AP1AR: variants seen among roughly 807,000 people sequenced by gnomAD.
The protein encoded by AP1AR is adaptor related protein complex 1 associated regulatory protein.
A neutral mutation model predicts 46.3 loss-of-function variants in AP1AR; 29 were observed. That is an observed-to-expected ratio of 0.63 (90% confidence interval 0.47 to 0.85). AP1AR has a LOEUF of 0.85. Among genes scored for constraint, AP1AR ranks in the 40% least tolerant of loss-of-function variants. AP1AR has a pLI of 0.00. For missense variants in AP1AR, 357 were observed against 356.3 expected, an observed-to-expected ratio of 1.00 and a Z score of -0.02; for synonymous variants, 122 against 122.9, an observed-to-expected ratio of 0.99 and a Z score of 0.05.
intron 9 of AP1AR, 47 bp from the exon 10 acceptor site, chr4:112,268,097 C>T: frequency 1.4e-6 from 2 of 1,476,676 alleles, no homozygotes; most frequent in Middle Eastern, 1.8e-4. Flanking sequence ...TTAAATATAG[C>T]TTTATTATCT....
At chr4:112,249,097 A>G (rs2110476417) in intron 1 of AP1AR, among the ~76,000 whole-genome samples, 1 of 152,110 alleles carries the variant, frequency 6.6e-6, no homozygotes, top group South Asian at 2.1e-4. Context: ...GTTCGAGACC[A>G]GCCTGACCAA....
chr4:112,264,076 A>AT lies in AP1AR; in HGVS notation c.382-926dup, dbSNP rs1361100062. 3.3e-5 allele frequency among the ~76,000 whole-genome samples: 5 copies of AT among 151,898 alleles called. No individual in the cohort carries two copies. In the East Asian group the frequency reaches 9.7e-4, roughly 29 times the overall value. ...GTCCTTCTCCCCCCAACTTTCCTTCATTTTTTTCCCTCTCTCTCTCTGCTG... is the reference window on the plus strand; with the variant it reads ...GTCCTTCTCCCCCCAACTTTCCTTCATTTTTTTTCCCTCTCTCTCTCTGCTG... On this transcript the variant is annotated intron_variant, in intron 6 of 9. Coordinates refer to ENST00000274000, the MANE Select transcript of AP1AR (RefSeq NM_018569.6).
At chr4:112,264,455 C>G (rs999791462) in intron 6 of AP1AR, among the ~76,000 whole-genome samples, 1 of 152,114 alleles carries the variant, frequency 6.6e-6, no homozygotes, top group African/African-American at 2.4e-5. Flanking sequence ...AGTAATATAG[C>G]TATCTGTAAT....
At position 112,271,927 on chromosome 4, in the gene AP1AR, A is replaced by T. The variant is rs775799838; in HGVS notation, c.*3518A>T. 6.6e-6 allele frequency among the ~76,000 whole-genome samples: 1 copy of T among 152,214 alleles called. No individual in the cohort carries two copies. Among genetic ancestry groups the T allele is most frequent in the Non-Finnish European group, 1.5e-5 (1 of 68,034 alleles). ...GTGTTGACATTTAGAAGTTGGGGGT[A>T]GTGAAACAGTCGTCAAAAGAAACAG... On this transcript the variant is annotated 3_prime_UTR_variant, in exon 10 of 10. Transcript: ENST00000274000.
chr4:112,258,590 G>A (rs866407951), intron 4 of AP1AR, among the ~76,000 whole-genome samples: 8 of 152,202 alleles, frequency 5.3e-5, no homozygotes, highest in African/African-American at 1.9e-4. Context: ...ATAACACCTG[G>A]TGTTGATTGT....
rs148269598 is a variant in AP1AR, at chr4:112,249,661, A to AAT, written c.84-3533_84-3532dup. 2.1e-3 allele frequency among the ~76,000 whole-genome samples: 319 copies of AAT among 151,428 alleles called. 2 individuals carry two copies. The highest frequency in any genetic ancestry group is 6.6e-3 in the African/African-American group (275 of 41,380). ...AAGAGTGAGACTGTCTCAAAAAAGA[A>AAT]ATATATATATATATAATTTTTTATA... On this transcript the variant is annotated intron_variant, in intron 1 of 9. Transcript: ENST00000274000.
chr4:112,245,862 G>A (rs754379259), intron 1 of AP1AR, among the ~76,000 whole-genome samples: 3 of 151,868 alleles, frequency 2.0e-5, no homozygotes, highest in Non-Finnish European at 4.4e-5. Context: ...AAAATAAAAT[G>A]TTCTTATTAT....
rs988993299 is a variant in AP1AR at position 112,268,891 on chromosome 4, T to C, written c.*482T>C. On this transcript the variant is annotated 3_prime_UTR_variant, in exon 10 of 10. Transcript: ENST00000274000. ...CAGCATTATTTATTTCTATGACTTC[T>C]TTGGATTTTATTATCTAATAGTAAG... 1 of 152,194 alleles carries C rather than the reference T, an allele frequency of 6.6e-6. No homozygotes were observed. Among genetic ancestry groups the C allele is most frequent in the African/African-American group, 2.4e-5 (1 of 41,420 alleles). 9.4% of individuals were successfully genotyped at this position (152,194 alleles called of 1,614,324 possible). A position where few individuals can be genotyped will look rare whatever the true frequency, so the allele number is the denominator to read the frequency against.
intron 1 of AP1AR, among the ~76,000 whole-genome samples, chr4:112,251,300 A>T (rs1414092839): frequency 2.0e-5 from 3 of 152,222 alleles, no homozygotes; most frequent in Non-Finnish European, 4.4e-5. Context: ...CTGTGAATAG[A>T]GGGGACAGAA....
At chr4:112,234,151 G>T (rs1160197444) in intron 1 of AP1AR, among the ~76,000 whole-genome samples, 1 of 152,196 alleles carries the variant, frequency 6.6e-6, no homozygotes, top group Non-Finnish European at 1.5e-5. Flanking sequence ...GAGCCACCGC[G>T]CCCGGCCAGC....
At chr4:112,261,463 A>T (rs527578046) in intron 5 of AP1AR, among the ~76,000 whole-genome samples, 89 of 152,214 alleles carry the variant, frequency 5.8e-4, no homozygotes, top group African/African-American at 1.7e-3. Context: ...GCAAATTTTT[A>T]AAAAATTACC....
rs749676856 is a variant in AP1AR at position 112,269,242 on chromosome 4, C to T, written c.*833C>T. ...GAACGATGTTAGATTTTACACAGAA[C>T]ATATTCTCTGCATGATTTCAGAAAA... On this transcript the variant is annotated 3_prime_UTR_variant, in exon 10 of 10. Coordinates refer to ENST00000274000, the MANE Select transcript of AP1AR (RefSeq NM_018569.6). 1.3e-5 allele frequency: 2 copies of T among 152,082 alleles called. No homozygotes were observed. The highest frequency in any genetic ancestry group is 3.0e-5 in the Non-Finnish European group (2 of 67,778). 9.4% of individuals were successfully genotyped at this position (152,082 alleles called of 1,614,324 possible). A position where few individuals can be genotyped will look rare whatever the true frequency, so the allele number is the denominator to read the frequency against.
intron 1 of AP1AR, among the ~76,000 whole-genome samples, chr4:112,234,620 T>C (rs1725162119): frequency 6.6e-6 from 1 of 152,070 alleles, no homozygotes; most frequent in Non-Finnish European, 1.5e-5. Context: ...GACAGATGGA[T>C]ATAGTTACTT....
In AP1AR at chr4:112,269,220, C is replaced by T. The variant is rs1358050821; in HGVS notation, c.*811C>T. On this transcript the variant is annotated 3_prime_UTR_variant, in exon 10 of 10. Coordinates refer to ENST00000274000, the MANE Select transcript of AP1AR (RefSeq NM_018569.6). The stretch of plus-strand genomic sequence containing the variant: ...TAAAAAATTCTATATTTCCAATGAA[C>T]GATGTTAGATTTTACACAGAACATA... The T allele has an allele frequency of 6.6e-6, 1 of 151,574 alleles. No individual in the cohort carries two copies. Among genetic ancestry groups the T allele is most frequent in the Non-Finnish European group, 1.5e-5 (1 of 67,706 alleles). The allele number at this position is 151,574 out of a possible 1,614,324, so 9.4% of individuals were successfully genotyped here. A position where few individuals can be genotyped will look rare whatever the true frequency, so the allele number is the denominator to read the frequency against.
intron 8 of AP1AR, 117 bp downstream of exon 8, chr4:112,265,924 G>T: frequency 3.2e-6 from 2 of 628,998 alleles, no homozygotes; most frequent in South Asian, 2.3e-5. Context: ...TTCCCAGATA[G>T]GTCAATTTCC....
chr4:112,251,102 G>A (rs1276209283), intron 1 of AP1AR, among the ~76,000 whole-genome samples: 2 of 152,088 alleles, frequency 1.3e-5, no homozygotes, highest in Non-Finnish European at 2.9e-5. Flanking sequence ...CTCTCATTGC[G>A]CATTGTCAGA....
rs552406369 is a variant in AP1AR, at chr4:112,264,529, C to T, written c.382-480C>T. On this transcript the variant is annotated intron_variant, in intron 6 of 9. Transcript: ENST00000274000. ...GATATATAGCTAATAGCTATCAGAG[C>T]CACAACTCCCAACAGTTCTTCTAAA... 1.9e-3 allele frequency among the ~76,000 whole-genome samples: 291 copies of T among 152,236 alleles called. 1 individual carries two copies. Among genetic ancestry groups the T allele is most frequent in the Non-Finnish European group, 3.7e-3 (252 of 67,968 alleles).
intron 1 of AP1AR, 97 bp downstream of exon 1, chr4:112,232,271 C>A: frequency 9.5e-7 from 1 of 1,051,758 alleles, no homozygotes; most frequent in Non-Finnish European, 1.2e-6. Flanking sequence ...CTGGAGGTGG[C>A]GGTCGAGAGC....
At chr4:112,267,030 T>TA (rs2110495395) in intron 9 of AP1AR, among the ~76,000 whole-genome samples, 1 of 151,986 alleles carries the variant, frequency 6.6e-6, no homozygotes, top group Admixed American at 6.6e-5. Context: ...AGCCAGAAGT[T>TA]AAATATAACT....
Sources: gnomAD v4.1 joint callset for allele counts (sites outside exome capture counted in the v4.1 genomes callset) on GRCh38, gnomAD v4.1.1 for gene constraint, MANE v1.5 for transcripts, NCBI Gene and HGNC (gene_info 2026-07-23, HGNC 2026-07-21) for gene names.